The following FRMPD4 variants were observed in gnomAD, a reference collection of about 807,000 sequenced individuals.
FRMPD4 encodes the protein FERM and PDZ domain-containing protein 4.
Under a neutral mutation model 94.1 loss-of-function variants are expected in FRMPD4, and 22 were observed. That is an observed-to-expected ratio of 0.23 (90% CI 0.17 to 0.33). FRMPD4 has a LOEUF of 0.33. Ranked by LOEUF, FRMPD4 falls within the 10% of genes least tolerant of loss-of-function variation. FRMPD4 has a pLI of 1.00. For synonymous variants in FRMPD4, 631 were observed against 548.6 expected (o/e 1.15, Z -2.10); for missense variants, 1,111 against 1,339.9 (o/e 0.83, Z 2.67).
At chrX:12,695,561 C>T (rs753993331) in intron 9 of FRMPD4, among the ~76,000 whole-genome samples, 3 of 110,281 alleles carry the variant, frequency 2.7e-5, no homozygotes, top group South Asian at 3.9e-4. Context: ...CCTGCCACCA[C>T]GCCCAGCTAA....
intron 1 of FRMPD4, among the ~76,000 whole-genome samples, chrX:12,335,272 A>T (rs1444995207): frequency 9.1e-6 from 1 of 109,892 alleles, no homozygotes; most frequent in Non-Finnish European, 1.9e-5. Flanking sequence ...GACTACAGGC[A>T]TGCACCACCA....
intron 1 of FRMPD4, among the ~76,000 whole-genome samples, chrX:12,479,457 T>C (rs1368498997): frequency 2.0e-5 from 1 of 50,599 alleles, no homozygotes; most frequent in African/African-American, 7.2e-5. Context: ...TATATATATG[T>C]ATATATGTAT....
chrX:12,089,655 T>G (rs2055138170), intron 3 of FRMPD4, among the ~76,000 whole-genome samples: 1 of 112,340 alleles, frequency 8.9e-6, no homozygotes, highest in Non-Finnish European at 1.9e-5. Context: ...TGTTTGCTTT[T>G]TCATTGATTT....
At chrX:12,059,539 G>A (rs1425575940) in intron 3 of FRMPD4, among the ~76,000 whole-genome samples, 1 of 110,239 alleles carries the variant, frequency 9.1e-6, no homozygotes, top group Non-Finnish European at 1.9e-5. Context: ...GTGATGATGA[G>A]GTTTGGGGTA....
chrX:12,678,821 G>A (rs923573849), intron 5 of FRMPD4, among the ~76,000 whole-genome samples: 1 of 112,161 alleles, frequency 8.9e-6, no homozygotes, highest in African/African-American at 3.2e-5. Context: ...GTGAAACTCT[G>A]TCTCAAAAAA....
intron 1 of FRMPD4, among the ~76,000 whole-genome samples, chrX:12,382,508 TAGCATAGCATAGCATAGCATAG>T (rs1569254122): frequency 1.4e-5 from 1 of 73,510 alleles, no homozygotes; most frequent in Admixed American, 1.5e-4. Flanking sequence ...TAGCATAGCA[TAGCATAGCATAGCATAGCATAG>T]AGCATAGCAT....
chrX:12,483,267 C>T (rs776966771), intron 1 of FRMPD4, among the ~76,000 whole-genome samples: 2 of 111,745 alleles, frequency 1.8e-5, no homozygotes, highest in Non-Finnish European at 3.8e-5. Context: ...ATTCAGAGAT[C>T]CCACTGTGAA....
At chrX:12,206,602 C>G (rs1487442046) in intron 1 of FRMPD4, among the ~76,000 whole-genome samples, 2 of 112,080 alleles carry the variant, frequency 1.8e-5, no homozygotes, top group African/African-American at 6.5e-5. Flanking sequence ...CAGCAGCCAC[C>G]ACGCCTAGTC....
At chrX:12,649,428 C>A (rs1279418531) in intron 4 of FRMPD4, among the ~76,000 whole-genome samples, 1 of 111,498 alleles carries the variant, frequency 9.0e-6, no homozygotes, top group Non-Finnish European at 1.9e-5. Flanking sequence ...TGATTCAGGG[C>A]TGTGTATGTC....
intron 1 of FRMPD4, among the ~76,000 whole-genome samples, chrX:12,197,136 A>T (rs5935259): frequency 0.48 from 52,563 of 109,626 alleles, 9,261 homozygotes; most frequent in East Asian, 0.76. Context: ...TTGAGGAGGT[A>T]TTCTCTGAAT....
At chrX:12,540,136 T>C (rs1162929206) in intron 2 of FRMPD4, among the ~76,000 whole-genome samples, 1 of 112,170 alleles carries the variant, frequency 8.9e-6, no homozygotes, top group Non-Finnish European at 1.9e-5. Context: ...TGCAAAAACA[T>C]GACAAACTGC....
At chrX:12,074,328 A>G (rs1290642308) in intron 3 of FRMPD4, among the ~76,000 whole-genome samples, 2 of 111,036 alleles carry the variant, frequency 1.8e-5, no homozygotes, top group Admixed American at 9.7e-5. Context: ...GATTTTTCCC[A>G]GGTGTTTTCC....
At chrX:12,544,179 T>C (rs2058449960) in intron 2 of FRMPD4, among the ~76,000 whole-genome samples, 1 of 110,214 alleles carries the variant, frequency 9.1e-6, no homozygotes, top group Non-Finnish European at 1.9e-5. Flanking sequence ...GGCACATGTA[T>C]ACATATGTAA....
At chrX:12,594,852 G>A (rs1245944056) in intron 2 of FRMPD4, among the ~76,000 whole-genome samples, 1 of 111,902 alleles carries the variant, frequency 8.9e-6, no homozygotes, top group Non-Finnish European at 1.9e-5. Flanking sequence ...TTTAGAGAAT[G>A]TATTGTTCCG....
chrX:12,079,243 A>G (rs1171647416), intron 3 of FRMPD4, among the ~76,000 whole-genome samples: 1 of 110,741 alleles, frequency 9.0e-6, no homozygotes, highest in Non-Finnish European at 1.9e-5. Flanking sequence ...CAGAAGCCAT[A>G]CTTTTATTTG....
chrX:12,716,001 T>TGGGGCCC, intron 14 of FRMPD4, 68 bp from the exon 15 acceptor site: 27 of 231,620 alleles, frequency 1.2e-4, no homozygotes, highest in East Asian at 1.7e-4. Flanking sequence ...GAGACGAGCC[T>TGGGGCCC]CCCACCCCCG....
At chrX:12,162,854 T>C (rs1420288197) in intron 1 of FRMPD4, among the ~76,000 whole-genome samples, 1 of 111,725 alleles carries the variant, frequency 9.0e-6, no homozygotes, top group African/African-American at 3.3e-5. Flanking sequence ...TGGTGAAATT[T>C]GACATGTTTC....
upstream of FRMPD4, among the ~76,000 whole-genome samples, chrX:12,135,063 T>C (rs1272606595): frequency 1.8e-5 from 2 of 112,264 alleles, no homozygotes; most frequent in Non-Finnish European, 3.8e-5. Flanking sequence ...TGAAAGTGTG[T>C]CTGGTTTTCA....
intron 2 of FRMPD4, among the ~76,000 whole-genome samples, chrX:12,507,592 A>G (rs937681429): frequency 1.8e-5 from 2 of 111,838 alleles, no homozygotes; most frequent in East Asian, 5.6e-4. Context: ...GAGCTGACAC[A>G]TGTTTTATGT....
Sources: gnomAD v4.1 joint callset for allele counts (sites outside exome capture counted in the v4.1 genomes callset) on GRCh38, gnomAD v4.1.1 for gene constraint, MANE v1.5 for transcripts, NCBI Gene and HGNC (gene_info 2026-07-23, HGNC 2026-07-21) for gene names.